The following NSD1 variants were observed in gnomAD, a reference collection of about 807,000 sequenced individuals.
NSD1 encodes the protein histone-lysine N-methyltransferase, H3 lysine-36 specific.
NSD1 carries 26 observed loss-of-function variants against 242.7 expected under a neutral mutation model. The observed-to-expected ratio is 0.11, with a 90% CI of 0.08 to 0.15. NSD1 has a LOEUF of 0.15. Ranked by LOEUF, NSD1 falls within the 10% of genes least tolerant of loss-of-function variation. The pLI is 1.00. For synonymous variants in NSD1, 1,106 were observed against 1,178.1 expected (o/e 0.94, Z 1.25); for missense variants, 2,495 against 3,272.8 (o/e 0.76, Z 5.80).
intron 10 of NSD1, chr5:177,247,792 A>G (rs995896195): frequency 3.6e-5 from 17 of 472,774 alleles, no homozygotes; most frequent in Non-Finnish European, 4.7e-5. Context: ...AGCATCACAC[A>G]TTATGATGCA....
chr5:177,193,209 C>T (rs187417593), intron 3 of NSD1, among the ~76,000 whole-genome samples: 2 of 152,070 alleles, frequency 1.3e-5, no homozygotes, highest in African/African-American at 2.4e-5. Context: ...GGCGTGATCT[C>T]GGCTCACTGC....
At position 177,211,580 on chromosome 5, in the gene NSD1, A is replaced by G. The variant is rs781336574; in HGVS notation, c.3181A>G (p.Ser1061Gly). 9 of 1,614,020 alleles carry G rather than the reference A, an allele frequency of 5.6e-6. No homozygotes were observed. In the African/African-American group the frequency reaches 1.2e-4, roughly 22 times the overall value. Residue 1061 changes from serine (S) to glycine (G), a missense_variant, in exon 5 of 23, where the codon AGT (serine) becomes GGT (glycine). Physicochemically the swap from Ser to Gly is moderately conservative, Grantham distance 56. Around this residue, in one of 19 missense-constraint regions of NSD1, gnomAD observed 426 missense variants for 411.4 expected, o/e 1.04. Coordinates refer to ENST00000439151, the MANE Select transcript of NSD1 (RefSeq NM_022455.5). ...ERKRKLNQLPSVTLDAVLQGD... is the reference protein window; with the variant it reads ...ERKRKLNQLPGVTLDAVLQGD... ...CAAAAGAAAACTGAATCAGCTTCCA[A>G]GTGTGACTCTTGATGCTGTACTGCA...
chr5:177,211,946 T>C lies in NSD1; in HGVS notation c.3547T>C (p.Ser1183Pro). 7 of 1,604,928 alleles carry C rather than the reference T, an allele frequency of 4.4e-6. No individual in the cohort carries two copies. The highest frequency in any genetic ancestry group is 6.0e-6 in the Non-Finnish European group (7 of 1,175,346). Reference protein sequence around the residue: ...RMNRFKEKENSECAFRVLLPS... With the variant: ...RMNRFKEKENPECAFRVLLPS... Reference sequence around the variant, plus strand: ...GAACAGATTTAAAGAGAAAGAAAACTCTGAGTGTGCCTTTAGGGTCTTACT... The same window carrying C: ...GAACAGATTTAAAGAGAAAGAAAACCCTGAGTGTGCCTTTAGGGTCTTACT... The change falls in exon 5 of 23, where the codon TCT becomes CCT. Residue 1183 changes from serine to proline, a missense_variant. Transcript: ENST00000439151.
At chr5:177,234,710 C>T (rs1489484181) in intron 5 of NSD1, among the ~76,000 whole-genome samples, 6 of 151,930 alleles carry the variant, frequency 3.9e-5, no homozygotes, top group Admixed American at 6.6e-5. Flanking sequence ...AGTGAGCCCC[C>T]GTCTCAAAAA....
intron 2 of NSD1, among the ~76,000 whole-genome samples, chr5:177,174,424 G>A (rs898755448): frequency 7.2e-5 from 11 of 152,094 alleles, no homozygotes; most frequent in African/African-American, 2.7e-4. Flanking sequence ...TGTTGGCCAG[G>A]CTGGTCTCGA....
At chr5:177,144,945 T>C (rs1274221801) in intron 2 of NSD1, among the ~76,000 whole-genome samples, 2 of 151,628 alleles carry the variant, frequency 1.3e-5, no homozygotes, top group Non-Finnish European at 2.9e-5. Context: ...ATTAGCTGGG[T>C]GTGGTGGCAC....
chr5:177,159,745 A>G (rs1758582633), intron 2 of NSD1, among the ~76,000 whole-genome samples: 1 of 151,234 alleles, frequency 6.6e-6, no homozygotes, highest in African/African-American at 2.4e-5. Context: ...GGCATATACC[A>G]CCACGCCTGG....
chr5:177,215,983 C>A (rs971575370), intron 5 of NSD1, among the ~76,000 whole-genome samples: 1 of 152,146 alleles, frequency 6.6e-6, no homozygotes, highest in Non-Finnish European at 1.5e-5. Flanking sequence ...ATCTCAGCAT[C>A]CTGAGTAGCT....
chr5:177,266,719 C>G (rs1259404901), intron 14 of NSD1: 3 of 270,896 alleles, frequency 1.1e-5, no homozygotes, highest in African/African-American at 4.5e-5. Flanking sequence ...GGCTTTACTC[C>G]CCACTTCAGG....
intron 20 of NSD1, among the ~76,000 whole-genome samples, chr5:177,287,720 G>A (rs1193819739): frequency 6.6e-6 from 1 of 152,158 alleles, no homozygotes; most frequent in African/African-American, 2.4e-5. Context: ...GCATGAGATG[G>A]GAAACATGAC....
At position 177,297,504 on chromosome 5, in the gene NSD1, G is replaced by C. The variant is rs1454637075; in HGVS notation, c.*2045G>C. ...CCTAATCTTTTAGGTCATATGAGTA[G>C]GGTTTGCTTGGTGCCAGTCCTGTGC... On this transcript the variant is annotated 3_prime_UTR_variant, in exon 23 of 23. Transcript: ENST00000439151. 1 of 232,018 alleles carries C rather than the reference G, an allele frequency of 4.3e-6. No homozygotes were observed. Among genetic ancestry groups the C allele is most frequent in the Admixed American group, 5.6e-5 (1 of 17,708 alleles). The allele number at this position is 232,018 out of a possible 1,614,324, so 14.4% of individuals were successfully genotyped here. A position where few individuals can be genotyped will look rare whatever the true frequency, so the allele number is the denominator to read the frequency against.
chr5:177,155,848 T>G (rs544787061), intron 2 of NSD1, among the ~76,000 whole-genome samples: 31 of 151,270 alleles, frequency 2.0e-4, no homozygotes, highest in African/African-American at 7.5e-4. Context: ...AATTTTTGTA[T>G]TTTTACAAAA....
intron 14 of NSD1, among the ~76,000 whole-genome samples, chr5:177,261,220 A>C (rs1016296146): frequency 6.7e-6 from 1 of 148,232 alleles, no homozygotes; most frequent in Admixed American, 6.8e-5. Context: ...CAGGCGTTCA[A>C]CATCATGCCC....
Position 177,235,912 on chromosome 5 carries a change from A to G in NSD1, c.3888A>G (p.Lys1296=), listed in dbSNP as rs587784106. ...ATGATCAGATATTTGCTCCTAAGAAAAAACAAAAGAAGGTACAGGAGCAGG... is the reference window on the plus strand; with the variant it reads ...ATGATCAGATATTTGCTCCTAAGAAGAAACAAAAGAAGGTACAGGAGCAGG... ...EEYDQIFAPK[K]KQKKVQEQVH... The change falls in exon 6 of 23, where the codon AAA becomes AAG. Residue 1296 remains lysine, a synonymous_variant. Coordinates refer to ENST00000439151, the MANE Select transcript of NSD1 (RefSeq NM_022455.5). 6.2e-7 allele frequency: 1 copy of G among 1,614,008 alleles called. No individual in the cohort carries two copies. Among genetic ancestry groups the G allele is most frequent in the Non-Finnish European group, 8.5e-7 (1 of 1,179,906 alleles).
Position 177,135,557 on chromosome 5 carries a change from C to T in NSD1, c.454C>T (p.His152Tyr), listed in dbSNP as rs765845162. 117 of 1,614,054 alleles carry T rather than the reference C, an allele frequency of 7.2e-5. No homozygotes were observed. The highest frequency in any genetic ancestry group is 9.7e-5 in the Non-Finnish European group (114 of 1,180,048). ...VTKTIKNGFLHFENFTCVDDA... is the reference protein window; with the variant it reads ...VTKTIKNGFLYFENFTCVDDA... The stretch of plus-strand genomic sequence containing the variant: ...AAAGACTATCAAGAATGGCTTTCTG[C>T]ACTTTGAGAATTTTACTTGTGTGGA... The change falls in exon 2 of 23, where the codon CAC becomes TAC. Residue 152 changes from histidine (H) to tyrosine (Y), a missense_variant. Physicochemically the swap from His to Tyr is moderately conservative, Grantham distance 83. Coordinates refer to ENST00000439151, the MANE Select transcript of NSD1 (RefSeq NM_022455.5).
At chr5:177,169,279 C>G (rs139860412) in intron 2 of NSD1, 1 of 154,830 alleles carries the variant, frequency 6.5e-6, no homozygotes, top group African/African-American at 2.4e-5. Context: ...TGCCACAGTC[C>G]GATTGAGAAA....
At position 177,294,735 on chromosome 5, in the gene NSD1, T is replaced by C. The variant is rs761179792; in HGVS notation, c.7367T>C (p.Met2456Thr). Residue 2456 changes from methionine to threonine, a missense_variant, in exon 23 of 23, where the codon ATG (methionine) becomes ACG (threonine). Physicochemically the swap from Met to Thr is moderately conservative, Grantham distance 81. Transcript: ENST00000439151. Reference sequence around the variant, plus strand: ...TCAAAAAATAGAGCTGCTTTGGTGATGGATCTCATAGACCTAACTCCTCGC... The same window carrying C: ...TCAAAAAATAGAGCTGCTTTGGTGACGGATCTCATAGACCTAACTCCTCGC... ...TQSKNRAALV[M>T]DLIDLTPRQK... is the part of the protein sequence containing the mutation. 126 of 1,614,124 alleles carry C rather than the reference T, an allele frequency of 7.8e-5. No homozygotes were observed. The highest frequency in any genetic ancestry group is 9.7e-5 in the Non-Finnish European group (115 of 1,180,052).
At chr5:177,283,042 C>T (rs1759020969) in intron 19 of NSD1, among the ~76,000 whole-genome samples, 2 of 152,106 alleles carry the variant, frequency 1.3e-5, no homozygotes, top group Non-Finnish European at 2.9e-5. Flanking sequence ...CAACCTCTGC[C>T]TCCTGGGTTC....
chr5:177,182,329 A>G (rs1445472108), intron 2 of NSD1, among the ~76,000 whole-genome samples: 1 of 152,166 alleles, frequency 6.6e-6, no homozygotes, highest in Admixed American at 6.6e-5. Context: ...CAGCAAAAAC[A>G]AACAAACAAA....
Sources: allele counts gnomAD v4.1 joint callset (sites outside exome capture counted in the v4.1 genomes callset), GRCh38; gene constraint gnomAD v4.1.1; regional missense constraint gnomAD v4.1.1; transcripts MANE v1.5; gene names NCBI Gene and HGNC (gene_info 2026-07-23, HGNC 2026-07-21).